DPYSL2: variants seen among roughly 807,000 people sequenced by gnomAD.
The protein encoded by DPYSL2 is dihydropyrimidinase like 2, also known as dihydropyrimidinase-related protein 2.
DPYSL2 carries 13 observed loss-of-function variants against 69.9 expected under a neutral mutation model. That is an observed-to-expected ratio of 0.19 (90% CI 0.12 to 0.30). The LOEUF (loss-of-function observed/expected upper bound fraction) is 0.30. DPYSL2 is among the 10% of genes least tolerant of loss of function. The pLI is 1.00. For missense variants in DPYSL2, 587 were observed against 918.9 expected, an observed-to-expected ratio of 0.64 and a Z score of 4.67; for synonymous variants, 326 against 359.1, an observed-to-expected ratio of 0.91 and a Z score of 1.04.
rs200846358 is a variant in DPYSL2, at chr8:26,643,482, G to C, written c.1170G>C (p.Thr390=). 839 of 1,610,868 alleles carry C rather than the reference G, an allele frequency of 5.2e-4. 3 individuals are homozygous for C. The highest frequency in any genetic ancestry group is 6.1e-4 in the Non-Finnish European group (717 of 1,178,420). The part of the protein sequence containing the change: ...YGEPITASLG[T]DGSHYWSKNW... Reference sequence around the variant, plus strand: ...AGCCCATCACTGCCAGCTTGGGAACGGACGGCTCCCATTACTGGAGCAAGA... The same window carrying C: ...AGCCCATCACTGCCAGCTTGGGAACCGACGGCTCCCATTACTGGAGCAAGA... Residue 390 remains threonine (T), a synonymous_variant, in exon 9 of 14, where the codon ACG becomes ACC. Coordinates refer to ENST00000521913, the MANE Select transcript of DPYSL2 (RefSeq NM_001197293.3). The surrounding 1 kb of genome is among the most constrained non-coding windows in gnomAD (Gnocchi z 6.5).
In DPYSL2 at chr8:26,626,020, C is replaced by T. The variant is rs1357878291; in HGVS notation, c.794-597C>T. ...TGTCCTTCACCCCAGTCCCTGGCAA[C>T]TGCTGTTGTACTTTCTGTCTGTGAA... On this transcript the variant is annotated intron_variant, in intron 4 of 13. Transcript: ENST00000521913. The surrounding 1 kb of genome is among the most constrained non-coding windows in gnomAD (Gnocchi z 4.3). Among the ~76,000 whole-genome samples the T allele has an allele frequency of 6.6e-6, 1 of 152,210 alleles. No homozygotes were observed. The highest frequency in any genetic ancestry group is 1.5e-5 in the Non-Finnish European group (1 of 68,034).
chr8:26,654,969 G>A lies in DPYSL2; in HGVS notation c.1943-646G>A, dbSNP rs1337410863. On this transcript the variant is annotated intron_variant, in intron 13 of 13. Coordinates refer to ENST00000521913, the MANE Select transcript of DPYSL2 (RefSeq NM_001197293.3). This position sits in a 1 kb window ranked among gnomAD's most constrained non-coding sequence, Gnocchi z 5.0. ...TGATCCTCCCAGCTCAGCCTCCCCA[G>A]TAGCTGGTACTACAGGCTTGCACCA... Among the ~76,000 whole-genome samples, 1 of 152,028 alleles carries A rather than the reference G, an allele frequency of 6.6e-6. No homozygotes were observed. The highest frequency in any genetic ancestry group is 1.5e-5 in the Non-Finnish European group (1 of 68,016).
intron 1 of DPYSL2, among the ~76,000 whole-genome samples, chr8:26,522,284 G>T (rs990644864): frequency 5.3e-5 from 8 of 151,202 alleles, no homozygotes; most frequent in Admixed American, 1.3e-4. Flanking sequence ...CTCCAGCCTG[G>T]GCAACCGAGT....
chr8:26,518,280 A>C (rs1023399487), intron 1 of DPYSL2, among the ~76,000 whole-genome samples: 4 of 152,136 alleles, frequency 2.6e-5, no homozygotes. Flanking sequence ...AGATACAAGC[A>C]TTTGTGTGTT....
intron 8 of DPYSL2, among the ~76,000 whole-genome samples, chr8:26,638,615 C>T (rs929677326): frequency 2.0e-5 from 3 of 152,240 alleles, no homozygotes; most frequent in South Asian, 4.1e-4. Flanking sequence ...CGTGTTCAGC[C>T]GGGGAGTGGT....
In DPYSL2 at chr8:26,586,189, A is replaced by G. The variant is rs1801598235; in HGVS notation, c.628+2206A>G. On this transcript the variant is annotated intron_variant, in intron 3 of 13. Coordinates refer to ENST00000521913, the MANE Select transcript of DPYSL2 (RefSeq NM_001197293.3). The surrounding 1 kb of genome is among the most constrained non-coding windows in gnomAD (Gnocchi z 4.7). ...GAAATGCCCCCAGCCAGGAGTTAGGAGTCTGGAGTGCTGGCCCCCTTCTGA... is the reference window on the plus strand; with the variant it reads ...GAAATGCCCCCAGCCAGGAGTTAGGGGTCTGGAGTGCTGGCCCCCTTCTGA... Among the ~76,000 whole-genome samples the G allele has an allele frequency of 6.6e-6, 1 of 152,088 alleles. No individual in the cohort carries two copies. Among genetic ancestry groups the G allele is most frequent in the Non-Finnish European group, 1.5e-5 (1 of 68,016 alleles).
chr8:26,652,204 A>T lies in DPYSL2; in HGVS notation c.1597-53A>T. 6 of 1,537,844 alleles carry T rather than the reference A, an allele frequency of 3.9e-6. No individual in the cohort carries two copies. The highest frequency in any genetic ancestry group is 4.4e-6 in the Non-Finnish European group (5 of 1,138,020). On this transcript the variant is annotated intron_variant, in intron 11 of 13. Coordinates refer to ENST00000521913, the MANE Select transcript of DPYSL2 (RefSeq NM_001197293.3). The surrounding 1 kb of genome is among the most constrained non-coding windows in gnomAD (Gnocchi z 6.3). ...TGGGGCAGTGGGTGCTGCCGGGTGG[A>T]TTGAGTCCAGCCAGAGTGGCCTGTT... is the stretch of plus-strand genomic sequence containing the variant.
rs574293798 is a variant in DPYSL2, at chr8:26,647,573, C to A, written c.1426-57C>A. ...TCAATAGTTTGTTATTGAAAAGTAACTTTTTAACTCGTTTCTGCTGTGTGC... is the reference window on the plus strand; with the variant it reads ...TCAATAGTTTGTTATTGAAAAGTAAATTTTTAACTCGTTTCTGCTGTGTGC... On this transcript the variant is annotated intron_variant, in intron 10 of 13. Transcript: ENST00000521913. The surrounding 1 kb of genome is among the most constrained non-coding windows in gnomAD (Gnocchi z 5.1). 6.5e-7 allele frequency: 1 copy of A among 1,528,118 alleles called. No individual in the cohort carries two copies. The highest frequency in any genetic ancestry group is 1.3e-5 in the South Asian group (1 of 78,174). The allele number at this position is 1,528,118 out of a possible 1,614,324, so 94.7% of individuals were successfully genotyped here. A position where few individuals can be genotyped will look rare whatever the true frequency, so the allele number is the denominator to read the frequency against.
chr8:26,633,648 T>TA (rs577809116), intron 7 of DPYSL2, among the ~76,000 whole-genome samples: 5 of 151,764 alleles, frequency 3.3e-5, no homozygotes, highest in South Asian at 4.2e-4. Context: ...TTTTTTTTTT[T>TA]AATTTTTAAT....
rs1250841730 is a variant in DPYSL2, at chr8:26,565,485, T to C, written c.355-16484T>C. On this transcript the variant is annotated intron_variant, in intron 1 of 13. Transcript: ENST00000521913. This position sits in a 1 kb window ranked among gnomAD's most constrained non-coding sequence, Gnocchi z 4.1. ...AGGTTGACTCATCACATCTTGATGA[T>C]GTGGTTAGGGGATGAGGGCTCAGAT... 6.6e-6 allele frequency among the ~76,000 whole-genome samples: 1 copy of C among 152,016 alleles called. No individual in the cohort carries two copies. The highest frequency in any genetic ancestry group is 1.5e-5 in the Non-Finnish European group (1 of 67,996).
intron 1 of DPYSL2, among the ~76,000 whole-genome samples, chr8:26,518,717 T>C (rs1808334870): frequency 6.6e-6 from 1 of 152,240 alleles, no homozygotes; most frequent in African/African-American, 2.4e-5. Context: ...TCTTTGCGAC[T>C]GGCTTACTTT....
Position 26,528,004 on chromosome 8 carries a change from A to G in DPYSL2, c.354+13325A>G, listed in dbSNP as rs554246607. Among the ~76,000 whole-genome samples the G allele has an allele frequency of 5.9e-5, 9 of 152,202 alleles. No individual in the cohort carries two copies. The South Asian group carries it at 1.9e-3, about 32-fold the overall frequency. On this transcript the variant is annotated intron_variant, in intron 1 of 13. Transcript: ENST00000521913. ...TTTTTAGTAGAGACGAGGTTTCACC[A>G]TGTTGGCCAGCCTTGTATTGAACTC...
intron 1 of DPYSL2, among the ~76,000 whole-genome samples, chr8:26,537,407 T>G (rs2089344962): frequency 6.6e-6 from 1 of 152,184 alleles, no homozygotes; most frequent in African/African-American, 2.4e-5. Flanking sequence ...TTGTCATATC[T>G]ACCTATAACG....
Position 26,514,281 on chromosome 8 carries a change from A to AGACGGACG in DPYSL2, c.-35_-28dup, listed in dbSNP as rs903774152. On this transcript the variant is annotated 5_prime_UTR_variant, in exon 1 of 14. Transcript: ENST00000521913. The surrounding 1 kb of genome is among the most constrained non-coding windows in gnomAD (Gnocchi z 8.4). ...CAGCGAGGGAGACTTAGGGACTGGC[A>AGACGGACG]GACGGACGGACGGACGGCGAGGACC... The AGACGGACG allele has an allele frequency of 1.4e-5, 20 of 1,407,202 alleles. No homozygotes were observed. Among genetic ancestry groups the AGACGGACG allele is most frequent in the Non-Finnish European group, 1.9e-5 (20 of 1,079,534 alleles). 87.2% of individuals were successfully genotyped at this position (1,407,202 alleles called of 1,614,324 possible).
chr8:26,570,741 GAAAAAAAAAAA>G (rs572040580), intron 1 of DPYSL2, among the ~76,000 whole-genome samples: 57 of 108,298 alleles, frequency 5.3e-4, no homozygotes, highest in African/African-American at 1.4e-3. Flanking sequence ...CTTAGAAAAG[GAAAAAAAAAAA>G]AAAAAAAAAA....
chr8:26,645,251 T>C (rs560396965), intron 10 of DPYSL2, among the ~76,000 whole-genome samples: 2 of 151,926 alleles, frequency 1.3e-5, no homozygotes, highest in East Asian at 1.9e-4. Flanking sequence ...ATACAAAAAT[T>C]AGTGAGGCAT....
chr8:26,651,797 G>A (rs1344729869), intron 11 of DPYSL2, among the ~76,000 whole-genome samples: 2 of 152,184 alleles, frequency 1.3e-5, no homozygotes, highest in Admixed American at 6.5e-5. Context: ...AGGGACTTCA[G>A]TTTAACCACA....
chr8:26,517,948 A>T lies in DPYSL2; in HGVS notation c.354+3269A>T, dbSNP rs1276018735. Among the ~76,000 whole-genome samples, 1 of 152,154 alleles carries T rather than the reference A, an allele frequency of 6.6e-6. No homozygotes were observed. Among genetic ancestry groups the T allele is most frequent in the Non-Finnish European group, 1.5e-5 (1 of 68,014 alleles). On this transcript the variant is annotated intron_variant, in intron 1 of 13. Coordinates refer to ENST00000521913, the MANE Select transcript of DPYSL2 (RefSeq NM_001197293.3). The surrounding 1 kb of genome is among the most constrained non-coding windows in gnomAD (Gnocchi z 4.2). ...TGCTGCCCTCTAACTGTACAACGTCATCCCTACTCCATCCCCATAGCATGC... is the reference window on the plus strand; with the variant it reads ...TGCTGCCCTCTAACTGTACAACGTCTTCCCTACTCCATCCCCATAGCATGC...
rs1257688794 is a variant in DPYSL2, at chr8:26,593,237, G to A, written c.628+9254G>A. ...GAATTTTGCAATGAACTAGGGCAGT[G>A]GTTTAAAAACCTTGACTGCACATTA... is the stretch of plus-strand genomic sequence containing the variant. On this transcript the variant is annotated intron_variant, in intron 3 of 13. Coordinates refer to ENST00000521913, the MANE Select transcript of DPYSL2 (RefSeq NM_001197293.3). The surrounding 1 kb of genome is among the most constrained non-coding windows in gnomAD (Gnocchi z 5.7). Among the ~76,000 whole-genome samples the A allele has an allele frequency of 6.6e-6, 1 of 152,044 alleles. No homozygotes were observed. Among genetic ancestry groups the A allele is most frequent in the African/African-American group, 2.4e-5 (1 of 41,384 alleles).
Sources: allele counts gnomAD v4.1 joint callset (sites outside exome capture counted in the v4.1 genomes callset), GRCh38; gene constraint gnomAD v4.1.1; non-coding constraint Gnocchi (gnomAD v3.1); transcripts MANE v1.5; gene names NCBI Gene and HGNC (gene_info 2026-07-23, HGNC 2026-07-21).